Variants in BCL2 observed in about 807,000 individuals in gnomAD.
The protein encoded by BCL2 is apoptosis regulator Bcl-2.
In BCL2, 1 loss-of-function variant was observed where a neutral mutation model predicts 14.2. The observed-to-expected ratio is 0.07, with a 90% CI of 0.02 to 0.33. The LOEUF is 0.33. BCL2 is among the 10% of genes least tolerant of loss of function. The pLI, the probability that BCL2 is intolerant of heterozygous loss-of-function variation, is 0.99. For missense variants in BCL2, 247 were observed against 305.9 expected (o/e 0.81, Z 1.44); for synonymous variants, 151 against 137.2 (o/e 1.10, Z -0.70).
intron 2 of BCL2, among the ~76,000 whole-genome samples, chr18:63,254,383 TAA>T (rs71162613): frequency 1.0e-4 from 4 of 38,410 alleles, no homozygotes; most frequent in Non-Finnish European, 1.3e-4. Context: ...CTGTCTTTGC[TAA>T]AAAAAAAAAA....
chr18:63,187,113 C>G (rs1011934101), intron 2 of BCL2, among the ~76,000 whole-genome samples: 1 of 152,230 alleles, frequency 6.6e-6, no homozygotes, highest in East Asian at 1.9e-4. Context: ...CAAGTCCCTA[C>G]AGTTTTCATC....
chr18:63,125,804 T>C lies in BCL2; in HGVS notation c.*2821A>G. 1 of 218,860 alleles carries C rather than the reference T, an allele frequency of 4.6e-6. No homozygotes were observed. The highest frequency in any genetic ancestry group is 9.2e-6 in the Non-Finnish European group (1 of 108,780). 13.6% of individuals were successfully genotyped at this position (218,860 alleles called of 1,614,324 possible). On this transcript the variant is annotated 3_prime_UTR_variant, in exon 3 of 3. Coordinates refer to ENST00000333681, the MANE Select transcript of BCL2 (RefSeq NM_000633.3). ...CTTAGAGCAAGTGCAGCCACAATAC[T>C]GTACAGTTCTGGGGCCAAGAGGCTG...
chr18:63,262,555 G>C (rs550389560), intron 2 of BCL2, among the ~76,000 whole-genome samples: 1 of 152,254 alleles, frequency 6.6e-6, no homozygotes. Flanking sequence ...TGTCCATCTG[G>C]CTTGTTTGTG....
intron 2 of BCL2, among the ~76,000 whole-genome samples, chr18:63,183,370 C>A (rs1174756432): frequency 2.0e-5 from 3 of 152,138 alleles, no homozygotes; most frequent in Non-Finnish European, 4.4e-5. Flanking sequence ...TGTTGTGGCT[C>A]ACATCACAGC....
intron 2 of BCL2, among the ~76,000 whole-genome samples, chr18:63,235,345 A>G (rs1177638152): frequency 6.6e-6 from 1 of 152,210 alleles, no homozygotes; most frequent in Non-Finnish European, 1.5e-5. Flanking sequence ...CAAAGAACAT[A>G]TCAAAAAGCT....
At chr18:63,137,092 T>C (rs1220707932) in intron 2 of BCL2, among the ~76,000 whole-genome samples, 3 of 152,248 alleles carry the variant, frequency 2.0e-5, no homozygotes, top group Non-Finnish European at 2.9e-5. Context: ...AGTGATCCAT[T>C]CAGAATCAAA....
intron 2 of BCL2, among the ~76,000 whole-genome samples, chr18:63,217,620 C>T (rs1034139437): frequency 4.6e-5 from 7 of 152,162 alleles, no homozygotes; most frequent in African/African-American, 1.7e-4. Context: ...AGGCCTCCTC[C>T]TTATGATGTT....
At chr18:63,184,173 G>C (rs1915539627) in intron 2 of BCL2, among the ~76,000 whole-genome samples, 1 of 152,224 alleles carries the variant, frequency 6.6e-6, no homozygotes, top group Non-Finnish European at 1.5e-5. Flanking sequence ...CATGGATAAG[G>C]AGCCTTGACC....
At chr18:63,176,576 G>C (rs2144636750) in intron 2 of BCL2, among the ~76,000 whole-genome samples, 1 of 152,352 alleles carries the variant, frequency 6.6e-6, no homozygotes, top group African/African-American at 2.4e-5. Context: ...AAATGGGCAA[G>C]GGCAGTAATA....
In BCL2 at chr18:63,173,229, T is replaced by C. The variant is rs145918632; in HGVS notation, c.586-44470A>G. 6.3e-4 allele frequency among the ~76,000 whole-genome samples: 96 copies of C among 152,374 alleles called. No individual in the cohort carries two copies. The East Asian group carries it at 0.017, about 26-fold the overall frequency. On this transcript the variant is annotated intron_variant, in intron 2 of 2. Transcript: ENST00000333681. ...AAGTTTAGCTCCAATATAGAAGTTG[T>C]GATCAATTCTCCTTTTTGTTTTATT...
At chr18:63,233,858 G>A (rs1910751332) in intron 2 of BCL2, among the ~76,000 whole-genome samples, 1 of 152,140 alleles carries the variant, frequency 6.6e-6, no homozygotes, top group South Asian at 2.1e-4. Context: ...GGTCACAAAA[G>A]AGGCTTAAAC....
chr18:63,252,793 G>A (rs1911354201), intron 2 of BCL2, among the ~76,000 whole-genome samples: 2 of 152,124 alleles, frequency 1.3e-5, no homozygotes, highest in Non-Finnish European at 2.9e-5. Flanking sequence ...TATCAACAGC[G>A]TGAAAACAGA....
intron 2 of BCL2, among the ~76,000 whole-genome samples, chr18:63,248,310 A>G (rs1911208643): frequency 1.3e-5 from 2 of 152,348 alleles, no homozygotes; most frequent in East Asian, 3.9e-4. Context: ...TCTTTCATCA[A>G]TGAGAAATAA....
chr18:63,214,887 T>G (rs1478173657), intron 2 of BCL2, among the ~76,000 whole-genome samples: 1 of 151,982 alleles, frequency 6.6e-6, no homozygotes, highest in Non-Finnish European at 1.5e-5. Flanking sequence ...ATTTTTGTAT[T>G]TTTAGTAAAT....
chr18:63,317,995 C>G (rs1353133090), intron 2 of BCL2, 87 bp downstream of exon 2: 10 of 1,531,888 alleles, frequency 6.5e-6, no homozygotes, highest in Non-Finnish European at 8.8e-7. Context: ...CACAGCCTCC[C>G]ATTGCCCCAG....
intron 2 of BCL2, chr18:63,315,980 T>C (rs1480710982): frequency 2.0e-5 from 3 of 152,758 alleles, no homozygotes; most frequent in Non-Finnish European, 4.4e-5. Context: ...GATTTATTTT[T>C]ACTAGAAGCA....
chr18:63,169,405 TTCTTTC>T (rs1687274083), intron 2 of BCL2, among the ~76,000 whole-genome samples: 3 of 102,418 alleles, frequency 2.9e-5, no homozygotes, highest in African/African-American at 1.1e-4. Flanking sequence ...TTCTTTCTTT[TTCTTTC>T]TCTCTCTCTC....
chr18:63,269,158 T>C (rs757738562), intron 2 of BCL2, among the ~76,000 whole-genome samples: 1 of 152,058 alleles, frequency 6.6e-6, no homozygotes, highest in Non-Finnish European at 1.5e-5. Context: ...CTCACTATGC[T>C]GCCCAGGCTG....
At chr18:63,251,504 G>C (rs1172731230) in intron 2 of BCL2, among the ~76,000 whole-genome samples, 2 of 151,398 alleles carry the variant, frequency 1.3e-5, no homozygotes, top group African/African-American at 2.4e-5. Flanking sequence ...AATTAGCCAG[G>C]CGTGGTGGCG....
Sources: gnomAD v4.1 joint callset for allele counts (sites outside exome capture counted in the v4.1 genomes callset) on GRCh38, gnomAD v4.1.1 for gene constraint, MANE v1.5 for transcripts, NCBI Gene and HGNC (gene_info 2026-07-23, HGNC 2026-07-21) for gene names.